Variants in PRELID2 observed in about 807,000 individuals in gnomAD.
The protein encoded by PRELID2 is PRELI domain-containing protein 2.
A neutral mutation model predicts 28.4 loss-of-function variants in PRELID2; 25 were observed. The ratio of observed to expected loss-of-function variants is 0.88; its 90% CI spans 0.64 to 1.23. PRELID2 has a LOEUF of 1.23. Ranked by LOEUF, PRELID2 falls within the 50% of genes most tolerant of loss-of-function variation. The pLI is 0.00. For missense variants in PRELID2, 201 were observed against 214.4 expected (o/e 0.94, Z 0.39); for synonymous variants, 76 against 71.6 (o/e 1.06, Z -0.31).
intron 5 of PRELID2, among the ~76,000 whole-genome samples, chr5:145,794,729 T>C (rs562956938): frequency 6.6e-6 from 1 of 152,262 alleles, no homozygotes; most frequent in African/African-American, 2.4e-5. Context: ...TTCTCATTAA[T>C]AAAATGGGAA....
intron 1 of PRELID2, among the ~76,000 whole-genome samples, chr5:145,827,724 T>G (rs753276472): frequency 6.6e-6 from 1 of 152,158 alleles, no homozygotes; most frequent in Non-Finnish European, 1.5e-5. Context: ...CAGCTAAAGA[T>G]ACACTACAAA....
At chr5:145,260,549 G>C in the PRELID2 span, among the ~76,000 whole-genome samples, 31 of 152,030 alleles carry the variant, frequency 2.0e-4, no homozygotes, top group African/African-American at 7.2e-4. Flanking sequence ...TTTTTGTTTT[G>C]AGGATTTTCT....
the PRELID2 span, among the ~76,000 whole-genome samples, chr5:145,447,470 C>T: frequency 1.0e-4 from 14 of 134,666 alleles, no homozygotes; most frequent in South Asian, 2.4e-4. Context: ...CTGAAATTTT[C>T]TTTTTTTTTT....
the PRELID2 span, among the ~76,000 whole-genome samples, chr5:145,263,487 G>C: frequency 6.6e-6 from 1 of 151,692 alleles, no homozygotes; most frequent in East Asian, 1.9e-4. Context: ...AAAAAAAATT[G>C]CAAAGCAGAA....
At chr5:145,462,329 G>T in the PRELID2 span, among the ~76,000 whole-genome samples, 3 of 152,196 alleles carry the variant, frequency 2.0e-5, no homozygotes, top group East Asian at 5.8e-4. Context: ...TGGAGGACAT[G>T]ATGTAGGAGC....
At chr5:145,649,877 T>C (rs2149669905) in intron 1 of PRELID2, among the ~76,000 whole-genome samples, 1 of 152,334 alleles carries the variant, frequency 6.6e-6, no homozygotes, top group South Asian at 2.1e-4. Context: ...TCTGTTTTTA[T>C]CTCTTGCTTG....
chr5:145,483,904 C>T (rs1309155715), intron 1 of PRELID2, among the ~76,000 whole-genome samples: 1 of 152,178 alleles, frequency 6.6e-6, no homozygotes, highest in Non-Finnish European at 1.5e-5. Context: ...GTGTCAGTTG[C>T]TCACAACTGT....
At chr5:145,246,237 A>G in the PRELID2 span, among the ~76,000 whole-genome samples, 1 of 152,144 alleles carries the variant, frequency 6.6e-6, no homozygotes, top group Non-Finnish European at 1.5e-5. Flanking sequence ...AATAGAGAGT[A>G]TAGCTTCTGA....
At chr5:145,468,183 G>C (rs6580375), downstream of PRELID2, among the ~76,000 whole-genome samples, 101,288 of 151,852 alleles carry the variant, frequency 0.67, 34,355 homozygotes, top group Non-Finnish European at 0.69. Flanking sequence ...TTTTTGTCCT[G>C]GCGATAGTTT....
At chr5:145,604,715 T>C (rs961548904) in intron 1 of PRELID2, among the ~76,000 whole-genome samples, 6 of 149,410 alleles carry the variant, frequency 4.0e-5, no homozygotes, top group Non-Finnish European at 7.4e-5. Context: ...CATTCTCTTA[T>C]CTCCACAACC....
chr5:145,253,875 T>C, the PRELID2 span, among the ~76,000 whole-genome samples: 2 of 152,046 alleles, frequency 1.3e-5, no homozygotes, highest in African/African-American at 4.8e-5. Context: ...TTCCTTTGAA[T>C]GCAACTTTTG....
the PRELID2 span, among the ~76,000 whole-genome samples, chr5:145,434,405 T>C: frequency 0.21 from 32,125 of 152,152 alleles, 3,760 homozygotes; most frequent in South Asian, 0.35. Flanking sequence ...TTCAAAAAAC[T>C]GGATAACTGT....
chr5:145,641,026 T>G (rs1431568902), intron 1 of PRELID2, among the ~76,000 whole-genome samples: 1 of 152,026 alleles, frequency 6.6e-6, no homozygotes, highest in East Asian at 1.9e-4. Flanking sequence ...TACCCCAAAT[T>G]TAAAGAAAAA....
chr5:145,559,836 T>TAAAAAAAAA (rs59361990), intron 1 of PRELID2, among the ~76,000 whole-genome samples: 1 of 142,328 alleles, frequency 7.0e-6, no homozygotes, highest in Non-Finnish European at 1.5e-5. Context: ...TAAAAAGAGG[T>TAAAAAAAAA]AAAAAAAAAA....
At chr5:145,710,023 G>T (rs943617503) in intron 1 of PRELID2, among the ~76,000 whole-genome samples, 10 of 152,034 alleles carry the variant, frequency 6.6e-5, no homozygotes, top group Non-Finnish European at 1.3e-4. Context: ...TGGGGAAAGG[G>T]TCAAATTTCT....
intron 1 of PRELID2, among the ~76,000 whole-genome samples, chr5:145,491,006 C>T (rs138266008): frequency 1.1e-4 from 16 of 151,164 alleles, no homozygotes; most frequent in Non-Finnish European, 2.4e-4. Context: ...TTCAAAACTT[C>T]TTCTGTATCT....
At chr5:145,636,359 A>G (rs1754002305) in intron 1 of PRELID2, among the ~76,000 whole-genome samples, 1 of 152,196 alleles carries the variant, frequency 6.6e-6, no homozygotes, top group Non-Finnish European at 1.5e-5. Context: ...TAATATACTG[A>G]CAAGCATTAT....
At chr5:145,640,092 C>T (rs1053207719) in intron 1 of PRELID2, among the ~76,000 whole-genome samples, 6 of 152,096 alleles carry the variant, frequency 3.9e-5, no homozygotes, top group Admixed American at 3.3e-4. Context: ...GAATCAGTGT[C>T]TCTATCAAAC....
At chr5:145,584,485 G>C (rs892362804) in intron 1 of PRELID2, among the ~76,000 whole-genome samples, 2 of 152,108 alleles carry the variant, frequency 1.3e-5, no homozygotes, top group Non-Finnish European at 2.9e-5. Flanking sequence ...ACTAGCATCA[G>C]AGTGAACAGA....
Sources: gnomAD v4.1 joint callset for allele counts (sites outside exome capture counted in the v4.1 genomes callset) on GRCh38, gnomAD v4.1.1 for gene constraint, MANE v1.5 for transcripts, NCBI Gene and HGNC (gene_info 2026-07-23, HGNC 2026-07-21) for gene names.